Variants in SUPT5H observed in about 807,000 individuals in gnomAD.
The protein encoded by SUPT5H is transcription elongation factor SPT5.
SUPT5H carries 24 observed loss-of-function variants against 142.5 expected under a neutral mutation model. That is an observed-to-expected ratio of 0.17 (90% CI 0.12 to 0.24). The LOEUF (loss-of-function observed/expected upper bound fraction) is 0.24, where lower values mean the gene tolerates loss of function less well. Ranked by LOEUF, SUPT5H falls within the 10% of genes least tolerant of loss-of-function variation. The probability of loss-of-function intolerance (pLI) is 1.00; values close to 1 mark genes in which losing one functional copy is unlikely to be tolerated. For synonymous variants in SUPT5H, 546 were observed against 553.0 expected, an observed-to-expected ratio of 0.99 and a Z score of 0.18; for missense variants, 893 against 1,471.8, an observed-to-expected ratio of 0.61 and a Z score of 6.43.
rs778732369 is a variant in SUPT5H at position 39,466,680 on chromosome 19, C to T, written c.972C>T (p.Asp324=). The change falls in exon 13 of 30, where the codon GAC becomes GAT. Residue 324 remains aspartate, a synonymous_variant. Coordinates refer to ENST00000432763, the MANE Select transcript of SUPT5H (RefSeq NM_001111020.3). This position sits in a 1 kb window ranked among gnomAD's most constrained non-coding sequence, Gnocchi z 4.3. ...CATGCCCCTTTCCTCCATAGAAAGA[C>T]TGGTTTGCCAAAAGGAAGAAGTTTA... ...DRIKARMSLK[D]WFAKRKKFKR... 1.9e-6 allele frequency: 3 copies of T among 1,614,160 alleles called. No individual in the cohort carries two copies. The highest frequency in any genetic ancestry group is 3.3e-5 in the Admixed American group (2 of 60,016).
chr19:39,459,655 A>C, intron 9 of SUPT5H, 66 bp downstream of exon 9: 1 of 1,599,030 alleles, frequency 6.3e-7, no homozygotes. Context: ...TGTGGGGGAG[A>C]AGTGTCTGTC....
rs1390146300 is a variant in SUPT5H, at chr19:39,466,253, A to G, written c.877-227A>G. On this transcript the variant is annotated intron_variant, in intron 11 of 29. Transcript: ENST00000432763. The surrounding 1 kb of genome is among the most constrained non-coding windows in gnomAD (Gnocchi z 4.3). ...TTTGGCTGCGGTCGTCCTGGATTTG[A>G]GGGACCTTTAGACATCCAGGTGGAG... is the stretch of plus-strand genomic sequence containing the variant. 1.3e-5 allele frequency among the ~76,000 whole-genome samples: 2 copies of G among 152,120 alleles called. No individual in the cohort carries two copies. Among genetic ancestry groups the G allele is most frequent in the Non-Finnish European group, 2.9e-5 (2 of 68,022 alleles).
intron 3 of SUPT5H, among the ~76,000 whole-genome samples, chr19:39,454,619 C>T (rs1382221691): frequency 2.0e-5 from 3 of 152,040 alleles, no homozygotes; most frequent in African/African-American, 2.4e-5. Context: ...AGATTACGGG[C>T]GTGAGCCACC....
In SUPT5H at chr19:39,469,073, G is replaced by A; in HGVS notation, c.1144-6G>A. ...CCTTCTCTTCCCCTCACCGCTGGGG[G>A]CTTAGATCACGGAGGGTGTGAAGCC... On this transcript the variant is annotated splice_polypyrimidine_tract_variant and splice_region_variant and intron_variant, in intron 14 of 29. Transcript: ENST00000432763. This position sits in a 1 kb window ranked among gnomAD's most constrained non-coding sequence, Gnocchi z 5.1. 1 of 1,614,122 alleles carries A rather than the reference G, an allele frequency of 6.2e-7. No homozygotes were observed. The highest frequency in any genetic ancestry group is 8.5e-7 in the Non-Finnish European group (1 of 1,180,016).
intron 2 of SUPT5H, among the ~76,000 whole-genome samples, chr19:39,451,396 A>G (rs1179254019): frequency 6.6e-6 from 1 of 150,414 alleles, no homozygotes; most frequent in South Asian, 2.1e-4. Flanking sequence ...GGGTTTCACT[A>G]TGTTGGCCAG....
Position 39,474,321 on chromosome 19 carries a change from G to A in SUPT5H, c.2739G>A (p.Gln913=), listed in dbSNP as rs773525070. ...QPSPSPQSYH[Q]VAPSPAGYQN... Reference sequence around the variant, plus strand: ...GCCCCAGCCCCCAGAGCTACCACCAGGTGGCGCCAAGCCCAGCAGGCTACC... The same window carrying A: ...GCCCCAGCCCCCAGAGCTACCACCAAGTGGCGCCAAGCCCAGCAGGCTACC... The change falls in exon 27 of 30, where the codon CAG becomes CAA. Residue 913 remains glutamine (Q), a synonymous_variant. Coordinates refer to ENST00000432763, the MANE Select transcript of SUPT5H (RefSeq NM_001111020.3). The surrounding 1 kb of genome is among the most constrained non-coding windows in gnomAD (Gnocchi z 6.5). The A allele has an allele frequency of 1.2e-6, 2 of 1,613,944 alleles. No homozygotes were observed. Among genetic ancestry groups the A allele is most frequent in the Admixed American group, 1.7e-5 (1 of 59,994 alleles).
chr19:39,459,958 A>T lies in SUPT5H; in HGVS notation c.622A>T (p.Thr208Ser), dbSNP rs576571435. ...RKFIAYQFTD[T>S]PLQIKSVVAP... The stretch of plus-strand genomic sequence containing the variant: ...GTTCATTGCCTACCAGTTCACAGAC[A>T]CGGTAAGTCGGGTAGACAGGCGGCT... The change falls in exon 10 of 30, where the codon ACG (threonine) becomes TCG (serine). Residue 208 changes from threonine (T) to serine (S), a missense_variant and splice_region_variant. By Grantham distance (58) the Thr-to-Ser change is moderately conservative. Transcript: ENST00000432763. 1.2e-6 allele frequency: 2 copies of T among 1,613,898 alleles called. No homozygotes were observed. Among genetic ancestry groups the T allele is most frequent in the African/African-American group, 2.7e-5 (2 of 74,886 alleles).
chr19:39,472,583 C>A lies in SUPT5H; in HGVS notation c.2035+90C>A. The stretch of plus-strand genomic sequence containing the variant: ...AGCCTACACTCACTGAGTGCCTGTG[C>A]TGGGCTGGGCACTGCTATTAGGGGT... On this transcript the variant is annotated intron_variant, in intron 21 of 29. Transcript: ENST00000432763. The surrounding 1 kb of genome is among the most constrained non-coding windows in gnomAD (Gnocchi z 4.2). 1 of 1,481,092 alleles carries A rather than the reference C, an allele frequency of 6.8e-7. No individual in the cohort carries two copies. The highest frequency in any genetic ancestry group is 9.3e-7 in the Non-Finnish European group (1 of 1,074,698). The allele number at this position is 1,481,092 out of a possible 1,614,324, so 91.7% of individuals were successfully genotyped here.
chr19:39,460,026 A>T, intron 10 of SUPT5H, 66 bp downstream of exon 10: 1 of 1,547,462 alleles, frequency 6.5e-7, no homozygotes, highest in Non-Finnish European at 8.9e-7. Flanking sequence ...GAACATTGTC[A>T]ACTTCAGGGG....
rs2079297533 is a variant in SUPT5H at position 39,470,021 on chromosome 19, GT to G, written c.1375-93del. The G allele has an allele frequency of 6.7e-7, 1 of 1,498,032 alleles. No individual in the cohort carries two copies. The highest frequency in any genetic ancestry group is 1.3e-5 in the South Asian group (1 of 79,494). 92.8% of individuals were successfully genotyped at this position (1,498,032 alleles called of 1,614,324 possible). ...GTGGGTGGTAAGAGCCTGAAGTGGG[GT>G]TTTTGAGAACATGCGTAGATTCTGA... On this transcript the variant is annotated intron_variant, in intron 16 of 29. Transcript: ENST00000432763. The surrounding 1 kb of genome is among the most constrained non-coding windows in gnomAD (Gnocchi z 5.8).
intron 2 of SUPT5H, among the ~76,000 whole-genome samples, chr19:39,446,466 T>A (rs1035291590): frequency 6.6e-6 from 1 of 152,106 alleles, no homozygotes; most frequent in African/African-American, 2.4e-5. Context: ...TGAAATAGGG[T>A]CATCAGCATG....
chr19:39,462,947 C>A (rs1449941362), intron 10 of SUPT5H, among the ~76,000 whole-genome samples: 6 of 147,826 alleles, frequency 4.1e-5, no homozygotes, highest in Non-Finnish European at 8.9e-5. Context: ...TCAAGCGATT[C>A]TCCTGCCTCA....
rs906981047 is a variant in SUPT5H at position 39,469,544 on chromosome 19, G to A, written c.1374+146G>A. The stretch of plus-strand genomic sequence containing the variant: ...TTCTAGCATTCTCAGGTGCCTGAGA[G>A]GCTCTGTCTGAGTGCAGCTCAGGGT... On this transcript the variant is annotated intron_variant, in intron 16 of 29. Coordinates refer to ENST00000432763, the MANE Select transcript of SUPT5H (RefSeq NM_001111020.3). This position sits in a 1 kb window ranked among gnomAD's most constrained non-coding sequence, Gnocchi z 5.1. 29 of 1,190,272 alleles carry A rather than the reference G, an allele frequency of 2.4e-5. No individual in the cohort carries two copies. The highest frequency in any genetic ancestry group is 5.1e-5 in the East Asian group (2 of 39,128). The allele number at this position is 1,190,272 out of a possible 1,614,324, so 73.7% of individuals were successfully genotyped here. A position where few individuals can be genotyped will look rare whatever the true frequency, so the allele number is the denominator to read the frequency against.
chr19:39,449,602 G>T (rs2078995123), intron 2 of SUPT5H, among the ~76,000 whole-genome samples: 2 of 151,970 alleles, frequency 1.3e-5, no homozygotes, highest in South Asian at 4.2e-4. Context: ...TCTGCCTGGG[G>T]GAGAGGGGGC....
chr19:39,465,489 CTG>C (rs2079222867), intron 11 of SUPT5H, among the ~76,000 whole-genome samples: 1 of 152,182 alleles, frequency 6.6e-6, no homozygotes, highest in African/African-American at 2.4e-5. Context: ...TCTCTGGTGA[CTG>C]TGTTGAGACT....
In SUPT5H at chr19:39,472,963, G is replaced by A. The variant is rs769510920; in HGVS notation, c.2155+34G>A. The A allele has an allele frequency of 3.1e-6, 5 of 1,611,852 alleles. No individual in the cohort carries two copies. Among genetic ancestry groups the A allele is most frequent in the Non-Finnish European group, 4.2e-6 (5 of 1,178,396 alleles). ...CGAGGCCTGTGGAGGCCTGGGGAGGGGCATGGTGAAGGAGAGCCTGCCCAG... is the reference window on the plus strand; with the variant it reads ...CGAGGCCTGTGGAGGCCTGGGGAGGAGCATGGTGAAGGAGAGCCTGCCCAG... On this transcript the variant is annotated intron_variant, in intron 22 of 29. Coordinates refer to ENST00000432763, the MANE Select transcript of SUPT5H (RefSeq NM_001111020.3). This position sits in a 1 kb window ranked among gnomAD's most constrained non-coding sequence, Gnocchi z 4.2.
Position 39,445,884 on chromosome 19 carries a change from G to C in SUPT5H, c.-7G>C, listed in dbSNP as rs139805560. The C allele has an allele frequency of 2.0e-4, 320 of 1,613,456 alleles. 2 individuals are homozygous for C. The African/African-American group carries it at 3.5e-3, about 18-fold the overall frequency. ...AAGGCTGCTGTCTTTCCCAGCAGCA[G>C]CGGAAGATGTCGGACAGCGAGGACA... On this transcript the variant is annotated 5_prime_UTR_variant, in exon 2 of 30. Transcript: ENST00000432763.
In SUPT5H at chr19:39,473,143, G is replaced by A; in HGVS notation, c.2258+29G>A. The A allele has an allele frequency of 6.2e-7, 1 of 1,611,556 alleles. No individual in the cohort carries two copies. On this transcript the variant is annotated intron_variant, in intron 23 of 29. Coordinates refer to ENST00000432763, the MANE Select transcript of SUPT5H (RefSeq NM_001111020.3). The surrounding 1 kb of genome is among the most constrained non-coding windows in gnomAD (Gnocchi z 5.8). ...CGGGCGGGGCCTGGGGAGGGCCAGGGTGGGGCTTGCTAGGCAGTGAGAGGG... is the reference window on the plus strand; with the variant it reads ...CGGGCGGGGCCTGGGGAGGGCCAGGATGGGGCTTGCTAGGCAGTGAGAGGG...
chr19:39,457,394 T>C (rs2079104571), intron 3 of SUPT5H, among the ~76,000 whole-genome samples: 1 of 152,182 alleles, frequency 6.6e-6, no homozygotes, highest in South Asian at 2.1e-4. Context: ...GAACTTTTCT[T>C]TTTGCTTACT....
Sources: allele counts gnomAD v4.1 joint callset (sites outside exome capture counted in the v4.1 genomes callset), GRCh38; gene constraint gnomAD v4.1.1; non-coding constraint Gnocchi (gnomAD v3.1); transcripts MANE v1.5; gene names NCBI Gene and HGNC (gene_info 2026-07-23, HGNC 2026-07-21).